SYNE2: variants seen among roughly 807,000 people sequenced by gnomAD.
SYNE2 encodes spectrin repeat containing nuclear envelope protein 2.
Under a neutral mutation model 856.3 loss-of-function variants are expected in SYNE2, and 431 were observed. The observed-to-expected ratio is 0.50, with a 90% CI of 0.47 to 0.55. The LOEUF is 0.55. Among genes scored for constraint, SYNE2 ranks in the 20% least tolerant of loss-of-function variants. The pLI, the probability that SYNE2 is intolerant of heterozygous loss-of-function variation, is 0.00. For synonymous variants in SYNE2, 2,923 were observed against 2,872.3 expected (o/e 1.02, Z -0.56); for missense variants, 8,129 against 8,023.2 (o/e 1.01, Z -0.50).
chr14:64,161,657 AGGAGGATTGCTTGAGGTT>A (rs2098330703), intron 87 of SYNE2, among the ~76,000 whole-genome samples: 1 of 150,778 alleles, frequency 6.6e-6, no homozygotes, highest in Non-Finnish European at 1.5e-5. Context: ...AGGCTGAGGC[AGGAGGATTGCTTGAGGTT>A]GGAGGATTAC....
In SYNE2 at chr14:63,766,326, C is replaced by T. The variant is rs985779549; in HGVS notation, c.-305+4340C>T. 2.6e-5 allele frequency among the ~76,000 whole-genome samples: 4 copies of T among 152,062 alleles called. No individual in the cohort carries two copies. In the South Asian group the frequency reaches 6.2e-4, roughly 24 times the overall value. On this transcript the variant is annotated intron_variant, in intron 1 of 23. Transcript: ENST00000674003. ...AACCCCTGACCTCAAGTGATCCGCC[C>T]GCCTCAGCATCCCAAAGTGCTGGGA...
At chr14:64,158,562 T>G (rs754322317) in intron 85 of SYNE2, 63 bp from the exon 86 acceptor site, 63 of 1,554,906 alleles carry the variant, frequency 4.1e-5, no homozygotes, top group Middle Eastern at 3.4e-4. Flanking sequence ...CAATGGTAGA[T>G]CTGTTGGAGA....
chr14:64,187,767 G>A (rs964291473), intron 97 of SYNE2, among the ~76,000 whole-genome samples: 3 of 152,142 alleles, frequency 2.0e-5, no homozygotes, highest in African/African-American at 4.8e-5. Flanking sequence ...CCCTTTTAAC[G>A]CTAAGATTCT....
intron 19 of SYNE2, among the ~76,000 whole-genome samples, chr14:63,987,529 T>C (rs945215528): frequency 6.6e-6 from 1 of 152,194 alleles, no homozygotes; most frequent in Non-Finnish European, 1.5e-5. Context: ...AGATGGGAAG[T>C]TCCTGGAATA....
In SYNE2 at chr14:64,025,429, T is replaced by A. The variant is rs755883337; in HGVS notation, c.6252+8T>A. Reference sequence around the variant, plus strand: ...AGAATCCAAAAAATCAAGGTATAACTATGGAAACTAAATTTCAGAAGTCTG... The same window carrying A: ...AGAATCCAAAAAATCAAGGTATAACAATGGAAACTAAATTTCAGAAGTCTG... On this transcript the variant is annotated splice_region_variant and intron_variant, in intron 41 of 115. Coordinates refer to ENST00000555002, the MANE Select transcript of SYNE2 (RefSeq NM_182914.3). 1.2e-6 allele frequency: 2 copies of A among 1,609,546 alleles called. No individual in the cohort carries two copies. Among genetic ancestry groups the A allele is most frequent in the African/African-American group, 2.7e-5 (2 of 74,884 alleles).
intron 31 of SYNE2, among the ~76,000 whole-genome samples, chr14:64,008,623 T>G (rs2096819340): frequency 6.6e-6 from 1 of 152,202 alleles, no homozygotes; most frequent in South Asian, 2.1e-4. Context: ...CAGTTGTCCA[T>G]TCCATGGAAT....
intron 80 of SYNE2, 107 bp downstream of exon 80, chr14:64,140,180 G>A (rs1396121554): frequency 8.8e-7 from 1 of 1,130,116 alleles, no homozygotes; most frequent in Non-Finnish European, 1.3e-6. Context: ...GTGGATAAGG[G>A]GTAAGACTTG....
chr14:63,830,670 T>A (rs1889634043), intron 1 of SYNE2, among the ~76,000 whole-genome samples: 1 of 151,754 alleles, frequency 6.6e-6, no homozygotes, highest in Admixed American at 6.6e-5. Context: ...CAAAAAAAAA[T>A]TTTAATTAAT....
chr14:63,982,220 A>G (rs2153474391), intron 16 of SYNE2, among the ~76,000 whole-genome samples: 1 of 152,320 alleles, frequency 6.6e-6, no homozygotes, highest in South Asian at 2.1e-4. Context: ...AATTAATGAG[A>G]CAGTTAAGGC....
chr14:64,097,192 A>G (rs1000979103), intron 61 of SYNE2, among the ~76,000 whole-genome samples: 5 of 152,222 alleles, frequency 3.3e-5, no homozygotes, highest in African/African-American at 1.2e-4. Context: ...TGTTAAAAGT[A>G]ACATCACGAA....
Position 64,097,969 on chromosome 14 carries a change from G to C in SYNE2, c.12129G>C (p.Glu4043Asp), listed in dbSNP as rs760504517. Residue 4043 changes from glutamate (E) to aspartate (D), a missense_variant, in exon 62 of 116, where the codon GAG (glutamate) becomes GAC (aspartate). Physicochemically the swap from Glu to Asp is conservative, Grantham distance 45. Around this residue, in one of 3 missense-constraint regions of SYNE2, gnomAD observed 5,410 missense variants for 5,284.8 expected, o/e 1.02. Transcript: ENST00000555002. ...CACAGGGAGAAATCGAACGTATGGA[G>C]AAACAGATTCTGAGTTTGAACCAGA... ...PQLQGEIERM[E>D]KQILSLNQRK... is the part of the protein sequence containing the mutation. 4 of 1,614,112 alleles carry C rather than the reference G, an allele frequency of 2.5e-6. No individual in the cohort carries two copies. The African/African-American group carries it at 4.0e-5, about 16-fold the overall frequency.
intron 1 of SYNE2, among the ~76,000 whole-genome samples, chr14:63,771,479 T>C (rs1234977310): frequency 6.6e-6 from 1 of 152,230 alleles, no homozygotes; most frequent in Non-Finnish European, 1.5e-5. Flanking sequence ...TTCACTCCTA[T>C]GTATTTACCT....
intron 40 of SYNE2, 38 bp downstream of exon 40, chr14:64,025,069 T>TA: frequency 6.2e-7 from 1 of 1,614,008 alleles, no homozygotes. Flanking sequence ...TACCTGAGAT[T>TA]ATGGTTTCTT....
intron 64 of SYNE2, among the ~76,000 whole-genome samples, 180 bp downstream of exon 64, chr14:64,102,222 T>G (rs543493339): frequency 2.8e-4 from 43 of 152,290 alleles, no homozygotes; most frequent in Non-Finnish European, 4.4e-5. Context: ...GTTCAAGCAA[T>G]TCTCCTGCTT....
At chr14:64,180,413 A>G (rs1039445870) in intron 96 of SYNE2, among the ~76,000 whole-genome samples, 15 of 152,128 alleles carry the variant, frequency 9.9e-5, no homozygotes, top group Admixed American at 7.9e-4. Flanking sequence ...TAACTTGGAT[A>G]ATTATTTTTA....
At chr14:63,888,277 G>C (rs1447728864) in intron 1 of SYNE2, among the ~76,000 whole-genome samples, 1 of 152,180 alleles carries the variant, frequency 6.6e-6, no homozygotes, top group African/African-American at 2.4e-5. Context: ...AGACTGTTCA[G>C]CTTCCCAGAC....
Position 64,126,666 on chromosome 14 carries a change from C to T in SYNE2, c.13776C>T (p.Ala4592=). Residue 4592 remains alanine, a synonymous_variant, in exon 73 of 116, where the codon GCC becomes GCT. Coordinates refer to ENST00000555002, the MANE Select transcript of SYNE2 (RefSeq NM_182914.3). ...ACAAGAAGGGTGATCTTTTGAAAGC[C>T]ATGACTTGGCCTGGCGAGAACACCA... ...LSDKKGDLLK[A]MTWPGENTNL... is the part of the protein sequence containing the mutation. The T allele has an allele frequency of 3.7e-6, 6 of 1,614,204 alleles. No individual in the cohort carries two copies. Among genetic ancestry groups the T allele is most frequent in the Non-Finnish European group, 5.1e-6 (6 of 1,180,042 alleles).
Position 63,940,607 on chromosome 14 carries a change from T to G in SYNE2, c.80-7T>G, listed in dbSNP as rs769250456. The stretch of plus-strand genomic sequence containing the variant: ...TTTTATAACTGCTGTTGTTCTTTCT[T>G]TGATAGCTGAACAGGAAGACACCCA... On this transcript the variant is annotated splice_region_variant and splice_polypyrimidine_tract_variant and intron_variant, in intron 2 of 115. Transcript: ENST00000555002. 37 of 1,613,956 alleles carry G rather than the reference T, an allele frequency of 2.3e-5. No individual in the cohort carries two copies. The highest frequency in any genetic ancestry group is 1.2e-5 in the Non-Finnish European group (14 of 1,179,970).
chr14:64,134,055 C>A lies in SYNE2; in HGVS notation c.14515-14C>A. On this transcript the variant is annotated splice_polypyrimidine_tract_variant and intron_variant, in intron 77 of 115. Coordinates refer to ENST00000555002, the MANE Select transcript of SYNE2 (RefSeq NM_182914.3). ...TAAAGGGCTTCCACTAATTTTATGT[C>A]CTTGATTCTCTAGAAATGGGAAGAA... 3.1e-6 allele frequency: 5 copies of A among 1,613,782 alleles called. No homozygotes were observed. Among genetic ancestry groups the A allele is most frequent in the Non-Finnish European group, 4.2e-6 (5 of 1,179,850 alleles).
Sources: gnomAD v4.1 joint callset for allele counts (sites outside exome capture counted in the v4.1 genomes callset) on GRCh38, gnomAD v4.1.1 for gene constraint, gnomAD v4.1.1 regional missense constraint, MANE v1.5 for transcripts, NCBI Gene and HGNC (gene_info 2026-07-23, HGNC 2026-07-21) for gene names.